ARHGAP11A: variants seen among roughly 807,000 people sequenced by gnomAD.
The protein encoded by ARHGAP11A is rho GTPase-activating protein 11A.
Under a neutral mutation model 60.5 loss-of-function variants are expected in ARHGAP11A, and 36 were observed. That is an observed-to-expected ratio of 0.59 (90% CI 0.46 to 0.79). The LOEUF (loss-of-function observed/expected upper bound fraction) is 0.79, where lower values mean the gene tolerates loss of function less well. ARHGAP11A is among the 30% of genes least tolerant of loss of function. The probability of loss-of-function intolerance (pLI) is 0.00; values close to 1 mark genes in which losing one functional copy is unlikely to be tolerated. For synonymous variants in ARHGAP11A, 362 were observed against 415.5 expected, an observed-to-expected ratio of 0.87 and a Z score of 1.57; for missense variants, 1,071 against 1,199.2, an observed-to-expected ratio of 0.89 and a Z score of 1.58.
intron 2 of ARHGAP11A, among the ~76,000 whole-genome samples, chr15:32,621,183 C>CT (rs60915388): frequency 0.012 from 741 of 64,210 alleles, 13 homozygotes; most frequent in East Asian, 0.016. Flanking sequence ...ACCTTTTATT[C>CT]TTTTTTTTTT....
rs2053130510 is a variant in ARHGAP11A, at chr15:32,616,021, A to G, written c.-191A>G. The stretch of plus-strand genomic sequence containing the variant: ...AGGGCTAAGAGAAGCGGGTCTGTGT[A>G]AGTGGATGTGAGTGAGGATCAAGGA... On this transcript the variant is annotated 5_prime_UTR_variant, in exon 1 of 12. Coordinates refer to ENST00000361627, the MANE Select transcript of ARHGAP11A (RefSeq NM_014783.6). 1.4e-6 allele frequency: 1 copy of G among 718,906 alleles called. No homozygotes were observed. The allele number at this position is 718,906 out of a possible 1,614,324, so 44.5% of individuals were successfully genotyped here.
At chr15:32,620,084 G>C in intron 1 of ARHGAP11A, 24 bp from the exon 2 acceptor site, 3 of 1,572,026 alleles carry the variant, frequency 1.9e-6, no homozygotes, top group Middle Eastern at 1.7e-4. Flanking sequence ...ATTTGTGTTA[G>C]AGTAACTGAA....
rs776172390 is a variant in ARHGAP11A at position 32,635,849 on chromosome 15, C to G, written c.1417C>G (p.Arg473Gly). The G allele has an allele frequency of 1.2e-6, 2 of 1,609,576 alleles. No individual in the cohort carries two copies. Among genetic ancestry groups the G allele is most frequent in the Non-Finnish European group, 1.7e-6 (2 of 1,178,548 alleles). Residue 473 changes from arginine (R) to glycine (G), a missense_variant, in exon 11 of 12, where the codon CGA becomes GGA. By Grantham distance (125) the Arg-to-Gly change is moderately radical (BLOSUM62 -2). This residue lies in a region of ARHGAP11A where 776 missense variants were observed against 760.2 expected (regional missense o/e 1.02). Transcript: ENST00000361627. Reference protein sequence around the residue: ...RLANQQSLKNRIESVKTGLLF... With the variant: ...RLANQQSLKNGIESVKTGLLF... ...TGCAAATCAACAAAGTTTAAAAAAT[C>G]GAATTGAATCTGTAAAAACAGGTTT...
rs1476370071 is a variant in ARHGAP11A, at chr15:32,639,393, T to C, written c.*1548T>C. ...GCTTGGCTAGGTTCTACTTTGTTTA[T>C]TTGATATCAAATAGGTTTGTAGATG... On this transcript the variant is annotated 3_prime_UTR_variant, in exon 12 of 12. Transcript: ENST00000361627. 1 of 152,240 alleles carries C rather than the reference T, an allele frequency of 6.6e-6. No individual in the cohort carries two copies. Among genetic ancestry groups the C allele is most frequent in the Non-Finnish European group, 1.5e-5 (1 of 68,040 alleles). The allele number at this position is 152,240 out of a possible 1,614,324, so 9.4% of individuals were successfully genotyped here.
At chr15:32,622,955 A>G (rs1033652013) in intron 2 of ARHGAP11A, among the ~76,000 whole-genome samples, 2 of 151,880 alleles carry the variant, frequency 1.3e-5, no homozygotes, top group African/African-American at 4.8e-5. Flanking sequence ...GAATTTGAGA[A>G]GGAGCAGGCA....
Position 32,625,117 on chromosome 15 carries a change from G to A in ARHGAP11A, c.589G>A (p.Val197Ile). Residue 197 changes from valine (V) to isoleucine (I), a missense_variant, in exon 5 of 12, where the codon GTA becomes ATA. This residue lies in a region of ARHGAP11A where 196 missense variants were observed against 272.1 expected (regional missense o/e 0.72). Transcript: ENST00000361627. ...ENKMDSSNLA[V>I]IFAPNLLQTS... is the part of the protein sequence containing the mutation. ...TAAGATGGACAGCAGCAATCTTGCA[G>A]TAATATTTGCACCGAATCTTCTTCA... The A allele has an allele frequency of 6.8e-6, 11 of 1,613,924 alleles. No homozygotes were observed. The highest frequency in any genetic ancestry group is 9.3e-6 in the Non-Finnish European group (11 of 1,179,830).
At chr15:32,627,072 C>CCCAGTCCTGTAGTTTCAGTTATCA in intron 6 of ARHGAP11A, among the ~76,000 whole-genome samples, 1 of 152,128 alleles carries the variant, frequency 6.6e-6, no homozygotes, top group Non-Finnish European at 1.5e-5. Flanking sequence ...TGCCCTCTTT[C>CCCAGTCCTGTAGTTTCAGTTATCA]CCAGTCCTGT....
At position 32,633,951 on chromosome 15, in the gene ARHGAP11A, A is replaced by C; in HGVS notation, c.1254A>C (p.Ala418=). The change falls in exon 10 of 12, where the codon GCA becomes GCC. Residue 418 remains alanine (A), a synonymous_variant. Coordinates refer to ENST00000361627, the MANE Select transcript of ARHGAP11A (RefSeq NM_014783.6). ...CTTCTAGAGTGGAATCAGGAAAAGC[A>C]GGCTGCTTTTCTCCTAAAATCAGCC... ...KKVCRVESGK[A]GCFSPKISHK... 6.2e-7 allele frequency: 1 copy of C among 1,603,150 alleles called. No homozygotes were observed. Among genetic ancestry groups the C allele is most frequent in the Non-Finnish European group, 8.5e-7 (1 of 1,176,386 alleles).
At chr15:32,627,525 C>T (rs1043789285) in intron 6 of ARHGAP11A, among the ~76,000 whole-genome samples, 3 of 151,888 alleles carry the variant, frequency 2.0e-5, no homozygotes, top group South Asian at 2.1e-4. Context: ...GTCAGGAGAT[C>T]GAGACCATCC....
In ARHGAP11A at chr15:32,638,829, CT is replaced by C. The variant is rs1305672715; in HGVS notation, c.*985del. The C allele has an allele frequency of 1.3e-5, 2 of 152,492 alleles. No homozygotes were observed. The highest frequency in any genetic ancestry group is 4.8e-5 in the African/African-American group (2 of 41,406). 9.4% of individuals were successfully genotyped at this position (152,492 alleles called of 1,614,324 possible). On this transcript the variant is annotated 3_prime_UTR_variant, in exon 12 of 12. Transcript: ENST00000361627. ...TTGCACAAACACGTTTGTGTCTGTT[CT>C]GTCCAATATAGATTTGGCAATTATT...
At position 32,629,839 on chromosome 15, in the gene ARHGAP11A, TTAA is replaced by T. The variant is rs1464758909; in HGVS notation, c.1105+83_1105+85del. ...ATTCTGGGCACAGTGCAATTTCATATTAATAATACCACCCTTAGGAACTAGAAC... is the reference window on the plus strand; with the variant it reads ...ATTCTGGGCACAGTGCAATTTCATATTAATACCACCCTTAGGAACTAGAAC... On this transcript the variant is annotated intron_variant, in intron 8 of 11. Coordinates refer to ENST00000361627, the MANE Select transcript of ARHGAP11A (RefSeq NM_014783.6). The T allele has an allele frequency of 7.9e-5, 74 of 934,442 alleles. 1 individual carries two copies. The highest frequency in any genetic ancestry group is 1.1e-4 in the Non-Finnish European group (66 of 624,978). The allele number at this position is 934,442 out of a possible 1,614,324, so 57.9% of individuals were successfully genotyped here. A position where few individuals can be genotyped will look rare whatever the true frequency, so the allele number is the denominator to read the frequency against.
chr15:32,637,461 C>G lies in ARHGAP11A; in HGVS notation c.2688C>G (p.Ile896Met). 1 of 1,614,022 alleles carries G rather than the reference C, an allele frequency of 6.2e-7. No homozygotes were observed. The highest frequency in any genetic ancestry group is 8.5e-7 in the Non-Finnish European group (1 of 1,180,022). ...CAAAAGATTCCTCTGTTTCATGTAT[C>G]AAATCAGGTCCTAAAGAACAGAAGT... is the stretch of plus-strand genomic sequence containing the variant. ...SASKDSSVSC[I>M]KSGPKEQKSM... Residue 896 changes from isoleucine (I) to methionine (M), a missense_variant, in exon 12 of 12, where the codon ATC (isoleucine) becomes ATG (methionine). This residue lies in a region of ARHGAP11A where 776 missense variants were observed against 760.2 expected (regional missense o/e 1.02). Transcript: ENST00000361627.
chr15:32,625,154 G>A lies in ARHGAP11A; in HGVS notation c.626G>A (p.Gly209Glu). The change falls in exon 5 of 12, where the codon GGA (glycine) becomes GAA (glutamate). Residue 209 changes from glycine (G) to glutamate (E), a missense_variant. Physicochemically the swap from Gly to Glu is moderately conservative, Grantham distance 98. This residue lies in a region of ARHGAP11A where 196 missense variants were observed against 272.1 expected (regional missense o/e 0.72). Transcript: ENST00000361627. ...FAPNLLQTSE[G>E]HEKMSSNTEK... ...CCGAATCTTCTTCAGACAAGTGAAG[G>A]ACATGAAAAGATGTCTTCTAACACA... The A allele has an allele frequency of 6.2e-7, 1 of 1,613,922 alleles. No homozygotes were observed. The highest frequency in any genetic ancestry group is 8.5e-7 in the Non-Finnish European group (1 of 1,179,830).
intron 10 of ARHGAP11A, among the ~76,000 whole-genome samples, chr15:32,635,030 T>C (rs1462325827): frequency 1.3e-5 from 2 of 152,224 alleles, no homozygotes; most frequent in African/African-American, 4.8e-5. Context: ...TTATGTAGTT[T>C]TCTGCTCAGA....
rs777097394 is a variant in ARHGAP11A at position 32,624,354 on chromosome 15, C to G, written c.479C>G (p.Ser160Cys). ...EEKNKATLLL[S>C]CLLADHTVHV... ...AAGAATAAAGCTACACTGTTGCTCT[C>G]CTGTCTTCTGGCTGACCACACAGTT... The change falls in exon 4 of 12, where the codon TCC becomes TGC. Residue 160 changes from serine to cysteine, a missense_variant. By Grantham distance (112) the Ser-to-Cys change is moderately radical. Transcript: ENST00000361627. 5.2e-5 allele frequency: 84 copies of G among 1,613,746 alleles called. No homozygotes were observed. Among genetic ancestry groups the G allele is most frequent in the Non-Finnish European group, 7.0e-5 (83 of 1,179,860 alleles).
Position 32,615,616 on chromosome 15 carries a change from AGG to A in ARHGAP11A, c.-595_-594del, listed in dbSNP as rs1428245592. Reference sequence around the variant, plus strand: ...GATGTGCAGGCCGGGAGGTAGAGGCAGGCTGATGGGGGAGGGAACGAGCAGCC... The same window carrying A: ...GATGTGCAGGCCGGGAGGTAGAGGCACTGATGGGGGAGGGAACGAGCAGCC... On this transcript the variant is annotated 5_prime_UTR_variant, in exon 1 of 12. An upstream open reading frame in the 5' UTR loses its in-frame stop. Coordinates refer to ENST00000361627, the MANE Select transcript of ARHGAP11A (RefSeq NM_014783.6). 1.3e-5 allele frequency: 2 copies of A among 152,632 alleles called. No individual in the cohort carries two copies. The highest frequency in any genetic ancestry group is 2.9e-5 in the Non-Finnish European group (2 of 68,236). The allele number at this position is 152,632 out of a possible 1,614,324, so 9.5% of individuals were successfully genotyped here. A position where few individuals can be genotyped will look rare whatever the true frequency, so the allele number is the denominator to read the frequency against.
chr15:32,618,673 C>T (rs1466519824), intron 1 of ARHGAP11A, among the ~76,000 whole-genome samples: 3 of 152,004 alleles, frequency 2.0e-5, no homozygotes, highest in East Asian at 1.9e-4. Flanking sequence ...CGATGGCTCA[C>T]GCCTGTAATC....
chr15:32,633,591 A>T (rs11071856), intron 9 of ARHGAP11A, among the ~76,000 whole-genome samples: 118,991 of 152,092 alleles, frequency 0.78, 46,721 homozygotes, highest in African/African-American at 0.83. Context: ...TACAGTGAGC[A>T]GTGATTATGC....
chr15:32,620,340 GGCGGA>G (rs1270698880), intron 2 of ARHGAP11A, among the ~76,000 whole-genome samples, 162 bp downstream of exon 2: 1 of 152,130 alleles, frequency 6.6e-6, no homozygotes, highest in Admixed American at 6.5e-5. Flanking sequence ...AAATTAGCTT[GGCGGA>G]GCACACTTGT....
Sources: gnomAD v4.1 joint callset for allele counts (sites outside exome capture counted in the v4.1 genomes callset) on GRCh38, gnomAD v4.1.1 for gene constraint, gnomAD v4.1.1 regional missense constraint, MANE v1.5 for transcripts, NCBI Gene and HGNC (gene_info 2026-07-23, HGNC 2026-07-21) for gene names.